PLXNB2: variants seen among roughly 807,000 people sequenced by gnomAD.
PLXNB2 encodes plexin B2, also known as plexin-B2.
PLXNB2 carries 85 observed loss-of-function variants against 202.6 expected under a neutral mutation model. The observed-to-expected ratio is 0.42, with a 90% CI of 0.35 to 0.50. The LOEUF (loss-of-function observed/expected upper bound fraction) is 0.50, where lower values mean the gene tolerates loss of function less well. PLXNB2 is among the 20% of genes least tolerant of loss of function. The pLI, the probability that PLXNB2 is intolerant of heterozygous loss-of-function variation, is 0.02. For synonymous variants in PLXNB2, 1,239 were observed against 1,137.6 expected (o/e 1.09, Z -1.79); for missense variants, 2,063 against 2,586.2 (o/e 0.80, Z 4.39).
At chr22:50,276,038 G>T in intron 35 of PLXNB2, 75 bp from the exon 36 acceptor site, 8 of 1,429,096 alleles carry the variant, frequency 5.6e-6, no homozygotes, top group Non-Finnish European at 7.9e-6. Flanking sequence ...AGTACGGGAC[G>T]CCCAGGACGA....
At chr22:50,280,093 G>A (rs774430663) in intron 25 of PLXNB2, 22 bp from the exon 26 acceptor site, 2 of 1,575,176 alleles carry the variant, frequency 1.3e-6, no homozygotes, top group Admixed American at 1.9e-5. Flanking sequence ...GGGAGGCCTT[G>A]TACCGAGTGA....
intron 1 of PLXNB2, among the ~76,000 whole-genome samples, chr22:50,306,182 T>G (rs1035968726): frequency 2.0e-5 from 3 of 152,150 alleles, no homozygotes; most frequent in African/African-American, 7.2e-5. Context: ...TCTCAGTAAC[T>G]TCCCTCCTCT....
In PLXNB2 at chr22:50,304,221, A is replaced by AG. The variant is rs1451302544; in HGVS notation, c.-74+3331dup. ...GGTGGGGCAAACCTGCAGTACCACC[A>AG]GGGGCAGCCTGTCCCACCATCCCCG... On this transcript the variant is annotated intron_variant, in intron 1 of 36. Transcript: ENST00000359337. Among the ~76,000 whole-genome samples the AG allele has an allele frequency of 2.6e-5, 4 of 152,178 alleles. No homozygotes were observed. In the East Asian group the frequency reaches 7.7e-4, roughly 29 times the overall value.
At chr22:50,279,502 C>A in intron 27 of PLXNB2, 128 bp downstream of exon 27, 1 of 914,796 alleles carries the variant, frequency 1.1e-6, no homozygotes, top group African/African-American at 1.7e-5. Context: ...TTAGAGCAGG[C>A]TGTAACTCGA....
rs758755240 is a variant in PLXNB2 at position 50,279,731 on chromosome 22, G to A, written c.4288C>T (p.His1430Tyr). 2 of 1,614,046 alleles carry A rather than the reference G, an allele frequency of 1.2e-6. No individual in the cohort carries two copies. Among genetic ancestry groups the A allele is most frequent in the Admixed American group, 3.3e-5 (2 of 60,030 alleles). ...TCCACCGGGCCCTTTTCCACCTGAT[G>A]TTTGATGGCCTTGAAGAGCTTGTAC... ...PLYKLFKAIK[H>Y]QVEKGPVDAV... Residue 1430 changes from histidine to tyrosine, a missense_variant, in exon 27 of 37, where the codon CAT becomes TAT. Coordinates refer to ENST00000359337, the MANE Select transcript of PLXNB2 (RefSeq NM_012401.4).
Position 50,301,927 on chromosome 22 carries a change from A to G in PLXNB2, c.-74+5626T>C, listed in dbSNP as rs2067712655. Among the ~76,000 whole-genome samples the G allele has an allele frequency of 2.0e-5, 3 of 152,366 alleles. No individual in the cohort carries two copies. The East Asian group carries it at 5.8e-4, about 29-fold the overall frequency. On this transcript the variant is annotated intron_variant, in intron 1 of 36. Coordinates refer to ENST00000359337, the MANE Select transcript of PLXNB2 (RefSeq NM_012401.4). ...CATGACCACACATGTGCAGACACAC[A>G]TGGCTGGGTGCTGCCGGAAAAGCCC...
At chr22:50,276,781 C>T (rs2065630689) in intron 34 of PLXNB2, 61 bp downstream of exon 34, 2 of 1,598,472 alleles carry the variant, frequency 1.3e-6, no homozygotes, top group Non-Finnish European at 8.6e-7. Context: ...AAGGCCTGAA[C>T]CTCCCCGCAG....
At position 50,288,916 on chromosome 22, in the gene PLXNB2, C is replaced by T. The variant is rs1411962022; in HGVS notation, c.1251+44G>A. 6.2e-7 allele frequency: 1 copy of T among 1,609,144 alleles called. No individual in the cohort carries two copies. Among genetic ancestry groups the T allele is most frequent in the East Asian group, 2.2e-5 (1 of 44,712 alleles). On this transcript the variant is annotated intron_variant, in intron 4 of 36. Transcript: ENST00000359337. This position sits in a 1 kb window ranked among gnomAD's most constrained non-coding sequence, Gnocchi z 5.0. ...CCGGTGAGGGTACGGGCCTTGTGCA[C>T]AGACGGGCCCTCCAGAGCCTCCCCG... is the stretch of plus-strand genomic sequence containing the variant.
intron 16 of PLXNB2, 59 bp downstream of exon 16, chr22:50,283,278 G>A: frequency 6.2e-7 from 1 of 1,606,496 alleles, no homozygotes. Flanking sequence ...GAGGCGGCGG[G>A]CAGAGCCCCT....
At chr22:50,296,590 C>CA (rs34197202) in intron 1 of PLXNB2, among the ~76,000 whole-genome samples, 7,848 of 54,510 alleles carry the variant, frequency 0.14, 639 homozygotes, top group African/African-American at 0.27. Context: ...GACTCTGTCT[C>CA]AAAAAAAAAA....
At position 50,275,968 on chromosome 22, in the gene PLXNB2, G is replaced by T. The variant is rs754749475; in HGVS notation, c.5338-5C>A. 6.2e-7 allele frequency: 1 copy of T among 1,612,230 alleles called. No homozygotes were observed. Among genetic ancestry groups the T allele is most frequent in the Non-Finnish European group, 8.5e-7 (1 of 1,179,626 alleles). ...GTTCAAGGAGTCCGTGTGCGCCTGG[G>T]GGGTGACGGGACAGTCAGGGTGGAA... is the stretch of plus-strand genomic sequence containing the variant. On this transcript the variant is annotated splice_region_variant and splice_polypyrimidine_tract_variant and intron_variant, in intron 35 of 36. Transcript: ENST00000359337.
In PLXNB2 at chr22:50,288,685, G is replaced by C; in HGVS notation, c.1380+58C>G. Reference sequence around the variant, plus strand: ...CCCCAGGCCTGTCCTAAGGGCCTGGGATGCAATGACCGGGCACACTTGGCC... The same window carrying C: ...CCCCAGGCCTGTCCTAAGGGCCTGGCATGCAATGACCGGGCACACTTGGCC... On this transcript the variant is annotated intron_variant, in intron 5 of 36. Coordinates refer to ENST00000359337, the MANE Select transcript of PLXNB2 (RefSeq NM_012401.4). The surrounding 1 kb of genome is among the most constrained non-coding windows in gnomAD (Gnocchi z 5.0). 2 of 1,600,758 alleles carry C rather than the reference G, an allele frequency of 1.2e-6. No homozygotes were observed. The highest frequency in any genetic ancestry group is 1.7e-6 in the Non-Finnish European group (2 of 1,173,798).
Position 50,275,124 on chromosome 22 carries a change from GGGCCCCGACGT to G in PLXNB2, c.*569_*579del, listed in dbSNP as rs1263080033. 4 of 262,590 alleles carry G rather than the reference GGGCCCCGACGT, an allele frequency of 1.5e-5. No individual in the cohort carries two copies. The highest frequency in any genetic ancestry group is 3.0e-5 in the Non-Finnish European group (4 of 131,730). 16.3% of individuals were successfully genotyped at this position (262,590 alleles called of 1,614,324 possible). Reference sequence around the variant, plus strand: ...GACAGACCAGGACCCCAGGATGTCTGGGCCCCGACGTAGGACTTGACCTACGTCTCACTTGA... The same window carrying G: ...GACAGACCAGGACCCCAGGATGTCTGAGGACTTGACCTACGTCTCACTTGA... On this transcript the variant is annotated 3_prime_UTR_variant, in exon 37 of 37. Coordinates refer to ENST00000359337, the MANE Select transcript of PLXNB2 (RefSeq NM_012401.4).
At position 50,300,296 on chromosome 22, in the gene PLXNB2, A is replaced by T. The variant is rs1321412699; in HGVS notation, c.-73-5518T>A. ...GCTCACCTGGCGTCGGGCACATCGG[A>T]TCGCACAGCCGGCCATTACCTAAGT... On this transcript the variant is annotated intron_variant, in intron 1 of 36. Transcript: ENST00000359337. The T allele has an allele frequency of 3.0e-6, 3 of 985,056 alleles. No individual in the cohort carries two copies. The African/African-American group carries it at 5.3e-5, about 17-fold the overall frequency. 61.0% of individuals were successfully genotyped at this position (985,056 alleles called of 1,614,324 possible). A position where few individuals can be genotyped will look rare whatever the true frequency, so the allele number is the denominator to read the frequency against.
In PLXNB2 at chr22:50,278,488, T is replaced by A; in HGVS notation, c.4679A>T (p.Lys1560Met). Reference sequence around the variant, plus strand: ...CTCCGGCTGCTGGGAGACCCCCACCTTGGACAGGATGAGGGTGGCTCCATC... The same window carrying A: ...CTCCGGCTGCTGGGAGACCCCCACCATGGACAGGATGAGGGTGGCTCCATC... ...VRDGATLILS[K>M]VGVSQQPEDS... is the part of the protein sequence containing the mutation. The change falls in exon 30 of 37, where the codon AAG becomes ATG. Residue 1560 changes from lysine (K) to methionine (M), a missense_variant. Lys to Met is a moderately conservative substitution (Grantham distance 95, BLOSUM62 -1). Coordinates refer to ENST00000359337, the MANE Select transcript of PLXNB2 (RefSeq NM_012401.4). The A allele has an allele frequency of 6.4e-7, 1 of 1,562,536 alleles. No individual in the cohort carries two copies. The highest frequency in any genetic ancestry group is 8.7e-7 in the Non-Finnish European group (1 of 1,153,806).
Position 50,288,170 on chromosome 22 carries a change from TGATATTAAACA to T in PLXNB2, c.1381-144_1381-134del. ...TCGGGAGCCTCAGACACCTCAGGCT[TGATATTAAACA>T]GTTCTGGCTCTGGGTGGCCATGCCT... On this transcript the variant is annotated intron_variant, in intron 5 of 36. Coordinates refer to ENST00000359337, the MANE Select transcript of PLXNB2 (RefSeq NM_012401.4). The surrounding 1 kb of genome is among the most constrained non-coding windows in gnomAD (Gnocchi z 5.0). 3 of 661,340 alleles carry T rather than the reference TGATATTAAACA, an allele frequency of 4.5e-6. No individual in the cohort carries two copies. The South Asian group carries it at 5.7e-5, about 12-fold the overall frequency. The allele number at this position is 661,340 out of a possible 1,614,324, so 41.0% of individuals were successfully genotyped here. A position where few individuals can be genotyped will look rare whatever the true frequency, so the allele number is the denominator to read the frequency against.
chr22:50,295,882 T>C (rs1468169789), intron 1 of PLXNB2, among the ~76,000 whole-genome samples: 2 of 152,014 alleles, frequency 1.3e-5, no homozygotes, highest in Non-Finnish European at 2.9e-5. Flanking sequence ...AGTGGGCGGA[T>C]CACGAGGTCA....
intron 22 of PLXNB2, 33 bp downstream of exon 22, chr22:50,281,327 C>T: frequency 6.2e-7 from 1 of 1,608,944 alleles, no homozygotes; most frequent in Non-Finnish European, 8.5e-7. Context: ...GCCGAGGGCT[C>T]AGGGTGTTGG....
At chr22:50,306,121 T>C (rs570228610) in intron 1 of PLXNB2, among the ~76,000 whole-genome samples, 2 of 152,156 alleles carry the variant, frequency 1.3e-5, no homozygotes, top group Non-Finnish European at 2.9e-5. Flanking sequence ...TAATTCTTTC[T>C]TGGCAGGCAG....
Sources: gnomAD v4.1 joint callset for allele counts (sites outside exome capture counted in the v4.1 genomes callset) on GRCh38, gnomAD v4.1.1 for gene constraint, Gnocchi (gnomAD v3.1) non-coding constraint, MANE v1.5 for transcripts, NCBI Gene and HGNC (gene_info 2026-07-23, HGNC 2026-07-21) for gene names.